DNM3: variants seen among roughly 807,000 people sequenced by gnomAD.
The protein encoded by DNM3 is dynamin-3.
Under a neutral mutation model 101.6 loss-of-function variants are expected in DNM3, and 47 were observed. The observed-to-expected ratio is 0.46, with a 90% CI of 0.37 to 0.59. The LOEUF (loss-of-function observed/expected upper bound fraction) is 0.59. Among genes scored for constraint, DNM3 ranks in the 20% least tolerant of loss-of-function variants. The pLI, the probability that DNM3 is intolerant of heterozygous loss-of-function variation, is 0.00. For missense variants in DNM3, 849 were observed against 1,085.7 expected, an observed-to-expected ratio of 0.78 and a Z score of 3.06; for synonymous variants, 385 against 387.9, an observed-to-expected ratio of 0.99 and a Z score of 0.09.
intron 2 of DNM3, among the ~76,000 whole-genome samples, chr1:171,961,368 T>C (rs780568695): frequency 7.9e-5 from 12 of 152,182 alleles, no homozygotes; most frequent in African/African-American, 1.4e-4. Flanking sequence ...CATGTGTTTT[T>C]GACAAGGTAT....
At chr1:172,143,557 A>G (rs1346674874) in intron 14 of DNM3, among the ~76,000 whole-genome samples, 3 of 152,014 alleles carry the variant, frequency 2.0e-5, no homozygotes, top group African/African-American at 7.2e-5. Flanking sequence ...ACAGCTGGAA[A>G]CTGACCAAAG....
At chr1:171,884,433 C>T (rs567056288) in intron 1 of DNM3, among the ~76,000 whole-genome samples, 13 of 152,338 alleles carry the variant, frequency 8.5e-5, no homozygotes, top group African/African-American at 2.9e-4. Flanking sequence ...CTACAGCCTT[C>T]GCACTGTCTT....
intron 10 of DNM3, among the ~76,000 whole-genome samples, chr1:172,049,619 A>C (rs936829797): frequency 2.0e-5 from 3 of 152,152 alleles, no homozygotes. Context: ...AAAGAGAATT[A>C]GTGATGGTAT....
At chr1:172,216,030 G>C (rs1572983451) in intron 14 of DNM3, among the ~76,000 whole-genome samples, 1 of 148,240 alleles carries the variant, frequency 6.7e-6, no homozygotes, top group South Asian at 2.2e-4. Context: ...AAAAGTAAGG[G>C]ACCAGATCAG....
At chr1:171,914,378 A>G (rs2039543763) in intron 1 of DNM3, among the ~76,000 whole-genome samples, 1 of 152,010 alleles carries the variant, frequency 6.6e-6, no homozygotes. Context: ...GCTTGTCTTG[A>G]ACTCCCAACC....
intron 17 of DNM3, 72 bp downstream of exon 17, chr1:172,323,412 A>G: frequency 6.5e-7 from 1 of 1,535,380 alleles, no homozygotes; most frequent in Non-Finnish European, 8.8e-7. Flanking sequence ...TCTTGACAAG[A>G]GTGTTCCTGT....
intron 14 of DNM3, chr1:172,140,726 A>G (rs557323171): frequency 1.0e-3 from 152 of 152,126 alleles, no homozygotes; most frequent in African/African-American, 3.0e-3. Flanking sequence ...GAAAAAAAAA[A>G]TCTTGCTGAA....
intron 15 of DNM3, among the ~76,000 whole-genome samples, chr1:172,257,027 A>G (rs1029445958): frequency 6.6e-6 from 1 of 152,010 alleles, no homozygotes; most frequent in Non-Finnish European, 1.5e-5. Flanking sequence ...GGTCTAGTAC[A>G]TGATGTTAAT....
intron 1 of DNM3, among the ~76,000 whole-genome samples, chr1:171,879,442 A>G (rs539695298): frequency 2.6e-5 from 4 of 152,236 alleles, no homozygotes; most frequent in African/African-American, 9.6e-5. Flanking sequence ...AAAGCATGAA[A>G]GTGTTCACAG....
In DNM3 at chr1:172,102,241, A is replaced by G. The variant is rs1203379531; in HGVS notation, c.1545+9366A>G. ...TAGAAATTAATCTGATGAACCAAAA[A>G]ACTACAATGGCTATTTGAATTTGTT... On this transcript the variant is annotated intron_variant, in intron 13 of 20. Transcript: ENST00000627582. Among the ~76,000 whole-genome samples the G allele has an allele frequency of 7.6e-4, 116 of 152,226 alleles. 1 individual carries two copies. The highest frequency in any genetic ancestry group is 7.6e-3 in the Admixed American group (116 of 15,276).
chr1:172,371,828 ATATTTTTATTTTTATTTT>A (rs199679792), intron 17 of DNM3, among the ~76,000 whole-genome samples: 7 of 150,484 alleles, frequency 4.7e-5, no homozygotes, highest in Non-Finnish European at 8.9e-5. Context: ...AGTCAGGCAG[ATATTTTTATTTTTATTTT>A]TATTTTTATT....
chr1:172,323,357 C>G lies in DNM3; in HGVS notation c.1893+17C>G, dbSNP rs755837450. ...AACAACAAAGTAAGTTATTTGTCCT[C>G]TTGCAGCTCTTCTGTCCCCCCAGCC... On this transcript the variant is annotated intron_variant, in intron 17 of 20. Coordinates refer to ENST00000627582, the MANE Select transcript of DNM3 (RefSeq NM_015569.5). 3 of 1,605,514 alleles carry G rather than the reference C, an allele frequency of 1.9e-6. No individual in the cohort carries two copies. In the East Asian group the frequency reaches 6.7e-5, roughly 36 times the overall value.
chr1:172,072,659 G>T (rs2125951148), intron 11 of DNM3, among the ~76,000 whole-genome samples: 2 of 152,330 alleles, frequency 1.3e-5, no homozygotes, highest in Middle Eastern at 3.4e-3. Flanking sequence ...AGGCCAAGGT[G>T]GGTGGATCAC....
At chr1:172,185,823 A>G in intron 14 of DNM3, among the ~76,000 whole-genome samples, 1 of 152,122 alleles carries the variant, frequency 6.6e-6, no homozygotes. Context: ...GGGTTTATTG[A>G]TTAGTTCCAC....
intron 2 of DNM3, among the ~76,000 whole-genome samples, chr1:171,967,413 A>G (rs1015202177): frequency 6.6e-6 from 1 of 152,066 alleles, no homozygotes; most frequent in African/African-American, 2.4e-5. Flanking sequence ...TGACATGCTG[A>G]GTGCTTTGAA....
At chr1:172,304,213 A>AAAAAAAAAAAAAAAAAAAAAAAC (rs1553227989) in intron 15 of DNM3, among the ~76,000 whole-genome samples, 1 of 133,510 alleles carries the variant, frequency 7.5e-6, no homozygotes, top group African/African-American at 3.3e-5. Flanking sequence ...AAGCAAAAAA[A>AAAAAAAAAAAAAAAAAAAAAAAC]AAAAAAAAAC....
chr1:172,026,142 C>T lies in DNM3; in HGVS notation c.590-6260C>T, dbSNP rs562657557. Among the ~76,000 whole-genome samples, 6 of 152,038 alleles carry T rather than the reference C, an allele frequency of 3.9e-5. No homozygotes were observed. In the East Asian group the frequency reaches 7.8e-4, roughly 20 times the overall value. On this transcript the variant is annotated intron_variant, in intron 4 of 20. Transcript: ENST00000627582. ...CCTGATGGAGCTGAAAAACACAGCA[C>T]GAGAACTTCGTGAAGCATACACAAG... is the stretch of plus-strand genomic sequence containing the variant.
chr1:172,403,803 G>A (rs1409140640), intron 20 of DNM3, among the ~76,000 whole-genome samples: 1 of 152,040 alleles, frequency 6.6e-6, no homozygotes, highest in African/African-American at 2.4e-5. Flanking sequence ...CTTACTTAAC[G>A]AAGCTCATTA....
chr1:172,187,632 T>G (rs1262172722), intron 14 of DNM3, among the ~76,000 whole-genome samples: 1 of 152,128 alleles, frequency 6.6e-6, no homozygotes, highest in Non-Finnish European at 1.5e-5. Flanking sequence ...TCAGGGGTCC[T>G]TAATATGTGA....
Sources: gnomAD v4.1 joint callset for allele counts (sites outside exome capture counted in the v4.1 genomes callset) on GRCh38, gnomAD v4.1.1 for gene constraint, MANE v1.5 for transcripts, NCBI Gene and HGNC (gene_info 2026-07-23, HGNC 2026-07-21) for gene names.